The following ADAMTS17 variants were observed in gnomAD, a reference collection of about 807,000 sequenced individuals.
The protein encoded by ADAMTS17 is A disintegrin and metalloproteinase with thrombospondin motifs 17.
Under a neutral mutation model 141.5 loss-of-function variants are expected in ADAMTS17, and 113 were observed. The ratio of observed to expected loss-of-function variants is 0.80; its 90% confidence interval spans 0.69 to 0.93. ADAMTS17 has a LOEUF of 0.93. Ranked by LOEUF, ADAMTS17 falls within the 40% of genes least tolerant of loss-of-function variation. The probability of loss-of-function intolerance (pLI) is 0.00; values close to 1 mark genes in which losing one functional copy is unlikely to be tolerated. For missense variants in ADAMTS17, 1,659 were observed against 1,517.9 expected (o/e 1.09, Z -1.54); for synonymous variants, 768 against 630.6 (o/e 1.22, Z -3.27).
At position 100,160,930 on chromosome 15, in the gene ADAMTS17, G is replaced by C. The variant is rs75119353; in HGVS notation, c.1182-5610C>G. Among the ~76,000 whole-genome samples the C allele has an allele frequency of 0.016, 2,383 of 152,280 alleles. 149 individuals are homozygous for C. The East Asian group carries it at 0.19, about 12-fold the overall frequency. Reference sequence around the variant, plus strand: ...TTTAGTTTAAATTAAAGATTACTTTGACTGAGAAACTCATATTAGTTTAAG... The same window carrying C: ...TTTAGTTTAAATTAAAGATTACTTTCACTGAGAAACTCATATTAGTTTAAG... On this transcript the variant is annotated intron_variant, in intron 8 of 21. Coordinates refer to ENST00000268070, the MANE Select transcript of ADAMTS17 (RefSeq NM_139057.4).
At position 100,184,577 on chromosome 15, in the gene ADAMTS17, G is replaced by A. The variant is rs1043516654; in HGVS notation, c.1181+14741C>T. ...TGGAGGGTAAATGATGTGTGGCAAA[G>A]CTACCTTCAGGAATTTTTCTTTGGG... On this transcript the variant is annotated intron_variant, in intron 8 of 21. Coordinates refer to ENST00000268070, the MANE Select transcript of ADAMTS17 (RefSeq NM_139057.4). Among the ~76,000 whole-genome samples the A allele has an allele frequency of 4.6e-5, 7 of 152,176 alleles. No homozygotes were observed. In the East Asian group the frequency reaches 1.2e-3, roughly 25 times the overall value.
At chr15:100,261,343 G>A in intron 6 of ADAMTS17, 136 bp downstream of exon 6, 3 of 1,177,750 alleles carry the variant, frequency 2.5e-6, no homozygotes, top group Admixed American at 2.0e-5. Flanking sequence ...ACTTACTAAT[G>A]AGGAAACCAA....
intron 4 of ADAMTS17, among the ~76,000 whole-genome samples, chr15:100,267,589 G>A (rs987757443): frequency 3.3e-5 from 5 of 152,040 alleles, no homozygotes; most frequent in Non-Finnish European, 5.9e-5. Context: ...AGTATATTGC[G>A]TGATGCTGAA....
chr15:100,139,401 G>A (rs534317014), intron 10 of ADAMTS17, among the ~76,000 whole-genome samples: 2 of 152,262 alleles, frequency 1.3e-5, no homozygotes, highest in Non-Finnish European at 2.9e-5. Flanking sequence ...AATGTCCGAA[G>A]GCATTTTTTG....
chr15:100,136,469 G>A (rs937599000), intron 10 of ADAMTS17, among the ~76,000 whole-genome samples: 1 of 152,170 alleles, frequency 6.6e-6, no homozygotes, highest in Non-Finnish European at 1.5e-5. Flanking sequence ...GTGACTACAC[G>A]AATGCTTGTC....
At chr15:100,131,795 T>C (rs1274204614) in intron 12 of ADAMTS17, among the ~76,000 whole-genome samples, 1 of 152,228 alleles carries the variant, frequency 6.6e-6, no homozygotes, top group African/African-American at 2.4e-5. Flanking sequence ...CCCCAGACTC[T>C]ACTGTATCCA....
intron 7 of ADAMTS17, among the ~76,000 whole-genome samples, chr15:100,213,853 G>T (rs1327577685): frequency 6.6e-6 from 1 of 152,222 alleles, no homozygotes; most frequent in Admixed American, 6.5e-5. Context: ...ATCTGGCCCC[G>T]TCCCAGCCGG....
chr15:100,269,027 T>C (rs1261276080), intron 4 of ADAMTS17, among the ~76,000 whole-genome samples: 2 of 151,948 alleles, frequency 1.3e-5, no homozygotes, highest in Admixed American at 6.6e-5. Flanking sequence ...AAATAAGCAA[T>C]AGGGAAAAGA....
chr15:100,325,324 G>A (rs1235729592), intron 3 of ADAMTS17, among the ~76,000 whole-genome samples: 1 of 152,200 alleles, frequency 6.6e-6, no homozygotes, highest in Non-Finnish European at 1.5e-5. Context: ...GGTTGCATTT[G>A]CAGATAGGGT....
intron 15 of ADAMTS17, among the ~76,000 whole-genome samples, chr15:100,062,907 T>C (rs1178363142): frequency 6.6e-6 from 1 of 152,086 alleles, no homozygotes; most frequent in African/African-American, 2.4e-5. Flanking sequence ...GCCAGGAAGG[T>C]AGGAGCAGAG....
intron 7 of ADAMTS17, among the ~76,000 whole-genome samples, chr15:100,236,823 G>A (rs983935855): frequency 1.3e-5 from 2 of 152,126 alleles, no homozygotes; most frequent in Admixed American, 6.5e-5. Context: ...GGGCAACAGA[G>A]TGAGACTCCT....
intron 20 of ADAMTS17, among the ~76,000 whole-genome samples, chr15:99,992,193 T>C (rs1263636212): frequency 6.6e-6 from 1 of 151,984 alleles, no homozygotes; most frequent in Non-Finnish European, 1.5e-5. Context: ...AAAAAAATGC[T>C]AGCCACTAAT....
At chr15:100,241,461 G>C (rs901121088) in intron 7 of ADAMTS17, among the ~76,000 whole-genome samples, 1 of 152,180 alleles carries the variant, frequency 6.6e-6, no homozygotes, top group East Asian at 1.9e-4. Flanking sequence ...TGATTGTTGC[G>C]GTAATTTCTT....
At chr15:100,281,158 C>G (rs1249643371) in intron 4 of ADAMTS17, 71 bp downstream of exon 4, 16 of 1,589,538 alleles carry the variant, frequency 1.0e-5, no homozygotes, top group Middle Eastern at 2.2e-4. Context: ...GAGGACACAG[C>G]ACCTGCTTCC....
chr15:99,975,586 G>A (rs2060305161), intron 21 of ADAMTS17, among the ~76,000 whole-genome samples: 1 of 152,116 alleles, frequency 6.6e-6, no homozygotes. Flanking sequence ...CAGGTTCCGA[G>A]CACCCAGGGC....
chr15:100,257,680 T>G (rs1257005787), intron 6 of ADAMTS17, among the ~76,000 whole-genome samples: 1 of 152,202 alleles, frequency 6.6e-6, no homozygotes, highest in African/African-American at 2.4e-5. Flanking sequence ...CCAGAACCAC[T>G]CCCATGCAAT....
At chr15:100,168,525 A>C (rs1040149838) in intron 8 of ADAMTS17, 1 of 152,270 alleles carries the variant, frequency 6.6e-6, no homozygotes, top group Non-Finnish European at 1.5e-5. Context: ...CAGGAAATGG[A>C]AAGATGGCTA....
At chr15:100,125,731 C>G (rs1434867268) in intron 12 of ADAMTS17, among the ~76,000 whole-genome samples, 1 of 152,134 alleles carries the variant, frequency 6.6e-6, no homozygotes, top group Non-Finnish European at 1.5e-5. Flanking sequence ...CAGGAAAGGA[C>G]GGGCCTAGGG....
At chr15:100,154,525 A>C (rs917498340) in intron 9 of ADAMTS17, among the ~76,000 whole-genome samples, 1 of 152,128 alleles carries the variant, frequency 6.6e-6, no homozygotes, top group Admixed American at 6.5e-5. Context: ...TCACACGGCT[A>C]AGTAGCTCAG....
Sources: gnomAD v4.1 joint callset for allele counts (sites outside exome capture counted in the v4.1 genomes callset) on GRCh38, gnomAD v4.1.1 for gene constraint, MANE v1.5 for transcripts, NCBI Gene and HGNC (gene_info 2026-07-23, HGNC 2026-07-21) for gene names.